The following EIF2S2 variants were observed in gnomAD, a reference collection of about 807,000 sequenced individuals.
EIF2S2 encodes eukaryotic translation initiation factor 2 subunit 2.
A neutral mutation model predicts 44.0 loss-of-function variants in EIF2S2; 4 were observed. That is an observed-to-expected ratio of 0.09 (90% confidence interval 0.04 to 0.21). The LOEUF (loss-of-function observed/expected upper bound fraction) is 0.21, where lower values mean the gene tolerates loss of function less well. Ranked by LOEUF, EIF2S2 falls within the 10% of genes least tolerant of loss-of-function variation. The probability of loss-of-function intolerance (pLI) is 1.00; values close to 1 mark genes in which losing one functional copy is unlikely to be tolerated. For missense variants in EIF2S2, 154 were observed against 392.0 expected, an observed-to-expected ratio of 0.39 and a Z score of 5.13; for synonymous variants, 108 against 128.3, an observed-to-expected ratio of 0.84 and a Z score of 1.07.
At chr20:34,106,189 G>GA (rs2034347618) in intron 1 of EIF2S2, among the ~76,000 whole-genome samples, 1 of 152,002 alleles carries the variant, frequency 6.6e-6, no homozygotes, top group Non-Finnish European at 1.5e-5. Context: ...CAAAGCAATG[G>GA]AATTACAGGT....
At chr20:34,101,608 A>T (rs2034295956) in intron 3 of EIF2S2, among the ~76,000 whole-genome samples, 1 of 152,054 alleles carries the variant, frequency 6.6e-6, no homozygotes, top group Non-Finnish European at 1.5e-5. Context: ...ATTTTATCCC[A>T]GTAAGATCTA....
intron 1 of EIF2S2, among the ~76,000 whole-genome samples, chr20:34,107,656 C>T (rs1335963547): frequency 6.6e-6 from 1 of 152,186 alleles, no homozygotes. Context: ...ATTTCCCAAA[C>T]ATATAAAACT....
chr20:34,110,919 A>C (rs2034405152), intron 1 of EIF2S2, among the ~76,000 whole-genome samples: 1 of 152,242 alleles, frequency 6.6e-6, no homozygotes, highest in Non-Finnish European at 1.5e-5. Flanking sequence ...TTAAGATCCT[A>C]GTCAATCTGG....
At chr20:34,101,755 A>G (rs1417741856) in intron 3 of EIF2S2, among the ~76,000 whole-genome samples, 1 of 150,818 alleles carries the variant, frequency 6.6e-6, no homozygotes. Context: ...GCTTACTGCA[A>G]CCTCTACCTG....
chr20:34,090,487 G>A (rs1325885935), intron 8 of EIF2S2, 30 bp downstream of exon 8: 4 of 1,320,224 alleles, frequency 3.0e-6, no homozygotes, highest in African/African-American at 1.5e-5. Context: ...ACATTTCAGG[G>A]TGATCTAATG....
At chr20:34,093,490 CTG>C (rs1318017612) in intron 7 of EIF2S2, among the ~76,000 whole-genome samples, 183 bp downstream of exon 7, 2 of 152,228 alleles carry the variant, frequency 1.3e-5, no homozygotes, top group East Asian at 1.9e-4. Flanking sequence ...GATGTCAACT[CTG>C]TGCCCTATTC....
Position 34,104,637 on chromosome 20 carries a change from A to G in EIF2S2, c.193+731T>C, listed in dbSNP as rs554547730. 2.0e-5 allele frequency among the ~76,000 whole-genome samples: 3 copies of G among 152,356 alleles called. No homozygotes were observed. The East Asian group carries it at 5.8e-4, about 29-fold the overall frequency. On this transcript the variant is annotated intron_variant, in intron 2 of 8. Coordinates refer to ENST00000374980, the MANE Select transcript of EIF2S2 (RefSeq NM_003908.5). ...ATCAGTGAAATTTTACCTACCATTAATGAGTAATAATAGGTTCTGTTCAAC... is the reference window on the plus strand; with the variant it reads ...ATCAGTGAAATTTTACCTACCATTAGTGAGTAATAATAGGTTCTGTTCAAC...
At chr20:34,094,554 T>G (rs956218992) in intron 6 of EIF2S2, among the ~76,000 whole-genome samples, 3 of 152,156 alleles carry the variant, frequency 2.0e-5, no homozygotes, top group Admixed American at 2.0e-4. Context: ...ATATTTCATG[T>G]GTAAAATTTT....
chr20:34,103,582 A>G lies in EIF2S2; in HGVS notation c.194-17T>C, dbSNP rs746064504. 2.6e-6 allele frequency: 4 copies of G among 1,536,536 alleles called. No individual in the cohort carries two copies. Among genetic ancestry groups the G allele is most frequent in the Admixed American group, 4.5e-5 (2 of 44,144 alleles). On this transcript the variant is annotated splice_polypyrimidine_tract_variant and intron_variant, in intron 2 of 8. Transcript: ENST00000374980. ...CAGAAGCATCTAAAAAGACCAAGGC[A>G]TAATTATTAACAACTAAAAGGCAAA... is the stretch of plus-strand genomic sequence containing the variant.
At position 34,089,466 on chromosome 20, in the gene EIF2S2, C is replaced by G. The variant is rs2034136828; in HGVS notation, c.*264G>C. On this transcript the variant is annotated 3_prime_UTR_variant, in exon 9 of 9. Transcript: ENST00000374980. ...CACTGTTATAATAACTTTAATTTAT[C>G]TTGCATTTTACAGAAGTCTATGAAC... is the stretch of plus-strand genomic sequence containing the variant. 4.9e-6 allele frequency: 2 copies of G among 409,346 alleles called. No individual in the cohort carries two copies. The highest frequency in any genetic ancestry group is 4.2e-5 in the African/African-American group (2 of 48,100). The allele number at this position is 409,346 out of a possible 1,614,324, so 25.4% of individuals were successfully genotyped here.
chr20:34,095,720 C>CA (rs1449137993), intron 6 of EIF2S2, among the ~76,000 whole-genome samples: 1 of 151,842 alleles, frequency 6.6e-6, no homozygotes, highest in African/African-American at 2.4e-5. Context: ...TGTCATTAGC[C>CA]AAAAAAATCT....
chr20:34,112,041 T>G (rs997496742), intron 1 of EIF2S2, 55 bp downstream of exon 1: 2 of 1,377,128 alleles, frequency 1.5e-6, no homozygotes, highest in African/African-American at 1.5e-5. Flanking sequence ...CACACTGGAG[T>G]GGGTTAGGCT....
intron 5 of EIF2S2, 101 bp downstream of exon 5, chr20:34,097,315 A>G (rs2034240524): frequency 2.1e-6 from 2 of 973,440 alleles, no homozygotes; most frequent in Non-Finnish European, 3.1e-6. Flanking sequence ...CTGTTCCACC[A>G]TCAGTCATTA....
chr20:34,093,389 T>TA (rs2034190107), intron 7 of EIF2S2, among the ~76,000 whole-genome samples: 1 of 152,236 alleles, frequency 6.6e-6, no homozygotes, highest in Non-Finnish European at 1.5e-5. Flanking sequence ...ATTTGCTCCA[T>TA]AAAAAGACTC....
chr20:34,103,765 G>A (rs1568717731), intron 2 of EIF2S2, among the ~76,000 whole-genome samples, 200 bp from the exon 3 acceptor site: 1 of 151,486 alleles, frequency 6.6e-6, no homozygotes, highest in African/African-American at 2.4e-5. Flanking sequence ...GGAGGGCAGT[G>A]GCGCAATCTC....
rs559147146 is a variant in EIF2S2, at chr20:34,089,315, G to A, written c.*415C>T. 1.1e-4 allele frequency: 18 copies of A among 158,976 alleles called. No homozygotes were observed. In the South Asian group the frequency reaches 2.2e-3, roughly 19 times the overall value. The allele number at this position is 158,976 out of a possible 1,614,324, so 9.8% of individuals were successfully genotyped here. A position where few individuals can be genotyped will look rare whatever the true frequency, so the allele number is the denominator to read the frequency against. On this transcript the variant is annotated 3_prime_UTR_variant, in exon 9 of 9. Coordinates refer to ENST00000374980, the MANE Select transcript of EIF2S2 (RefSeq NM_003908.5). ...AGAAAAATGGCTGCCCAGATGAAGC[G>A]CCTGCCATTGTTCAGTTTCTCAGTC... is the stretch of plus-strand genomic sequence containing the variant.
chr20:34,096,503 G>A (rs2235596), intron 6 of EIF2S2, among the ~76,000 whole-genome samples, 154 bp downstream of exon 6: 94,596 of 151,850 alleles, frequency 0.62, 30,702 homozygotes, highest in South Asian at 0.85. Flanking sequence ...ATGAATTGAA[G>A]AAAATGACAG....
intron 3 of EIF2S2, among the ~76,000 whole-genome samples, chr20:34,100,929 C>A (rs1384201586): frequency 6.6e-6 from 1 of 152,114 alleles, no homozygotes; most frequent in African/African-American, 2.4e-5. Context: ...TTTCTCCTTC[C>A]TTCTACCAGC....
At chr20:34,098,311 A>C (rs1442640909) in intron 4 of EIF2S2, among the ~76,000 whole-genome samples, 187 bp downstream of exon 4, 1 of 152,164 alleles carries the variant, frequency 6.6e-6, no homozygotes, top group Non-Finnish European at 1.5e-5. Context: ...TTTTTAATGT[A>C]ATCACAGTTA....
Sources: gnomAD v4.1 joint callset for allele counts (sites outside exome capture counted in the v4.1 genomes callset) on GRCh38, gnomAD v4.1.1 for gene constraint, MANE v1.5 for transcripts, NCBI Gene and HGNC (gene_info 2026-07-23, HGNC 2026-07-21) for gene names.